NRXN3: variants seen among roughly 807,000 people sequenced by gnomAD.
The protein encoded by NRXN3 is neurexin III.
A neutral mutation model predicts 137.6 loss-of-function variants in NRXN3; 32 were observed. The ratio of observed to expected loss-of-function variants is 0.23; its 90% CI spans 0.18 to 0.31. The LOEUF is 0.31. NRXN3 is among the 10% of genes least tolerant of loss of function. The pLI is 1.00. For missense variants in NRXN3, 1,574 were observed against 2,062.5 expected, an observed-to-expected ratio of 0.76 and a Z score of 4.59; for synonymous variants, 798 against 784.5, an observed-to-expected ratio of 1.02 and a Z score of -0.29.
At chr14:79,664,171 C>G (rs1411762421) in intron 17 of NRXN3, among the ~76,000 whole-genome samples, 1 of 152,108 alleles carries the variant, frequency 6.6e-6, no homozygotes, top group Non-Finnish European at 1.5e-5. Flanking sequence ...TTTTGTCAAC[C>G]TTTGACTGAT....
chr14:79,161,543 G>T (rs2060771084), intron 15 of NRXN3, among the ~76,000 whole-genome samples: 1 of 151,968 alleles, frequency 6.6e-6, no homozygotes, highest in Middle Eastern at 3.2e-3. Context: ...CATTTAGAAA[G>T]ATTGAAAGAA....
At chr14:79,145,909 G>GA (rs1387237498) in intron 15 of NRXN3, among the ~76,000 whole-genome samples, 1 of 152,158 alleles carries the variant, frequency 6.6e-6, no homozygotes, top group African/African-American at 2.4e-5. Flanking sequence ...ATAAACTAGT[G>GA]AAACCTTTTC....
intron 4 of NRXN3, among the ~76,000 whole-genome samples, chr14:78,364,544 A>G (rs925701485): frequency 3.3e-5 from 5 of 152,218 alleles, no homozygotes; most frequent in African/African-American, 1.2e-4. Flanking sequence ...TGGCATTTTC[A>G]AATAATCTGA....
At chr14:78,240,113 C>T (rs1409830059) in intron 1 of NRXN3, among the ~76,000 whole-genome samples, 1 of 152,132 alleles carries the variant, frequency 6.6e-6, no homozygotes, top group African/African-American at 2.4e-5. Context: ...AAAGTCATGC[C>T]AACCAGTCAA....
Position 79,605,434 on chromosome 14 carries a change from G to A in NRXN3, c.3445-58344G>A, listed in dbSNP as rs973596393. On this transcript the variant is annotated intron_variant, in intron 16 of 20. Transcript: ENST00000335750. ...GGGTGTGGATGGGATTCTGCCTTGGGCATATTTTGCTCTACTGGGCCCTGG... is the reference window on the plus strand; with the variant it reads ...GGGTGTGGATGGGATTCTGCCTTGGACATATTTTGCTCTACTGGGCCCTGG... Among the ~76,000 whole-genome samples the A allele has an allele frequency of 2.6e-5, 4 of 152,194 alleles. No homozygotes were observed. The South Asian group carries it at 8.3e-4, about 32-fold the overall frequency.
intron 19 of NRXN3, among the ~76,000 whole-genome samples, chr14:79,802,747 G>A (rs1466087063): frequency 6.6e-6 from 1 of 152,090 alleles, no homozygotes; most frequent in Non-Finnish European, 1.5e-5. Flanking sequence ...CTCTCAGCAG[G>A]AAACACCAAG....
At position 79,475,099 on chromosome 14, in the gene NRXN3, T is replaced by G. The variant is rs57309646; in HGVS notation, c.3444+7697T>G. Among the ~76,000 whole-genome samples the G allele has an allele frequency of 0.016, 2,418 of 152,232 alleles. 104 individuals are homozygous for G. In the East Asian group the frequency reaches 0.17, roughly 11 times the overall value. ...GAGGTACAGCCAGACTGTGGGGAGC[T>G]AAGTAGGTCTTGCCACCAAGTACAC... On this transcript the variant is annotated intron_variant, in intron 16 of 20. Coordinates refer to ENST00000335750, the MANE Select transcript of NRXN3 (RefSeq NM_001330195.2).
At chr14:79,617,935 T>G (rs1214405706) in intron 16 of NRXN3, among the ~76,000 whole-genome samples, 2 of 85,260 alleles carry the variant, frequency 2.3e-5, no homozygotes, top group Non-Finnish European at 4.0e-5. Context: ...AAAAAAAACA[T>G]GCTTATGAAG....
chr14:78,235,625 G>T (rs1413324456), intron 1 of NRXN3, among the ~76,000 whole-genome samples: 1 of 151,696 alleles, frequency 6.6e-6, no homozygotes, highest in Non-Finnish European at 1.5e-5. Flanking sequence ...ATAGTTAAAG[G>T]TTAAAAAAAA....
rs531518871 is a variant in NRXN3 at position 78,415,005 on chromosome 14, G to A, written c.757+117145G>A. On this transcript the variant is annotated intron_variant, in intron 4 of 20. Coordinates refer to ENST00000335750, the MANE Select transcript of NRXN3 (RefSeq NM_001330195.2). ...TTTCTGTGCCATGGTGTTTTAATAA[G>A]CATGTAATTTAGAAATGTCCACCCA... 7.4e-4 allele frequency among the ~76,000 whole-genome samples: 112 copies of A among 152,238 alleles called. No homozygotes were observed. The South Asian group carries it at 1.0e-2, about 14-fold the overall frequency.
At chr14:79,708,453 A>AAAAAG (rs1176475656) in intron 19 of NRXN3, among the ~76,000 whole-genome samples, 1 of 152,072 alleles carries the variant, frequency 6.6e-6, no homozygotes, top group Non-Finnish European at 1.5e-5. Flanking sequence ...ATCATCCAAA[A>AAAAAG]AAAAGAAAAA....
intron 19 of NRXN3, among the ~76,000 whole-genome samples, chr14:79,702,301 C>G (rs1022106518): frequency 3.3e-5 from 5 of 152,008 alleles, no homozygotes; most frequent in African/African-American, 1.2e-4. Flanking sequence ...AATCCAGATT[C>G]CTTACCATCG....
intron 1 of NRXN3, among the ~76,000 whole-genome samples, chr14:78,196,147 T>C (rs2061208309): frequency 6.6e-6 from 1 of 152,088 alleles, no homozygotes; most frequent in Non-Finnish European, 1.5e-5. Flanking sequence ...AAAGTGTGGG[T>C]CTCCCACCTC....
In NRXN3 at chr14:78,709,256, C is replaced by T. The variant is rs755002685; in HGVS notation, c.1261C>T (p.Arg421Cys). The T allele has an allele frequency of 3.7e-6, 6 of 1,614,042 alleles. No homozygotes were observed. Among genetic ancestry groups the T allele is most frequent in the South Asian group, 1.1e-5 (1 of 91,062 alleles). The change falls in exon 7 of 21, where the codon CGC becomes TGC. Residue 421 changes from arginine (R) to cysteine (C), a missense_variant. Coordinates refer to ENST00000335750, the MANE Select transcript of NRXN3 (RefSeq NM_001330195.2). ...KNNDIRLELS[R>C]LARIADTKMK... ...TAATGACATCCGTCTGGAGCTGTCT[C>T]GCCTGGCCCGGATTGCGGACACCAA...
intron 11 of NRXN3, among the ~76,000 whole-genome samples, chr14:78,959,456 A>G (rs971122855): frequency 1.3e-5 from 2 of 152,176 alleles, no homozygotes; most frequent in Non-Finnish European, 2.9e-5. Flanking sequence ...TGGGAAAAAT[A>G]TAATGGAATG....
intron 4 of NRXN3, among the ~76,000 whole-genome samples, chr14:78,460,546 G>A (rs2094893069): frequency 6.6e-6 from 1 of 152,230 alleles, no homozygotes; most frequent in Non-Finnish European, 1.5e-5. Context: ...ATAGGAAAAT[G>A]TTGGGGTGGA....
intron 10 of NRXN3, among the ~76,000 whole-genome samples, chr14:78,828,158 T>C (rs1431805541): frequency 6.6e-6 from 1 of 152,196 alleles, no homozygotes; most frequent in African/African-American, 2.4e-5. Flanking sequence ...TAGTTTATAG[T>C]TCAATATTAT....
At chr14:79,471,776 T>C (rs917516542) in intron 16 of NRXN3, among the ~76,000 whole-genome samples, 6 of 152,128 alleles carry the variant, frequency 3.9e-5, no homozygotes, top group Non-Finnish European at 7.4e-5. Flanking sequence ...ATTGAGTAAC[T>C]GGGGCAAATG....
chr14:78,536,066 G>A (rs1040654115), intron 4 of NRXN3, among the ~76,000 whole-genome samples: 4 of 152,136 alleles, frequency 2.6e-5, no homozygotes, highest in Admixed American at 6.5e-5. Context: ...TGGCATGACA[G>A]TTGTGGTCAG....
Sources: gnomAD v4.1 joint callset for allele counts (sites outside exome capture counted in the v4.1 genomes callset) on GRCh38, gnomAD v4.1.1 for gene constraint, MANE v1.5 for transcripts, NCBI Gene and HGNC (gene_info 2026-07-23, HGNC 2026-07-21) for gene names.